PHF24: variants seen among roughly 807,000 people sequenced by gnomAD.
PHF24 encodes Galpha inhibitory interacting protein.
PHF24 carries 25 observed loss-of-function variants against 42.6 expected under a neutral mutation model. The ratio of observed to expected loss-of-function variants is 0.59; its 90% CI spans 0.43 to 0.82. The LOEUF is 0.82. Among genes scored for constraint, PHF24 ranks in the 40% least tolerant of loss-of-function variants. PHF24 has a pLI of 0.00. For synonymous variants in PHF24, 185 were observed against 204.8 expected, an observed-to-expected ratio of 0.90 and a Z score of 0.83; for missense variants, 470 against 538.1, an observed-to-expected ratio of 0.87 and a Z score of 1.25.
the PHF24 span, among the ~76,000 whole-genome samples, chr9:34,883,501 C>T: frequency 6.6e-6 from 1 of 152,164 alleles, no homozygotes; most frequent in Non-Finnish European, 1.5e-5. Context: ...CTACAATGAA[C>T]TCAAACAAAT....
the PHF24 span, chr9:34,724,354 T>A: frequency 1.5e-5 from 24 of 1,551,092 alleles, no homozygotes; most frequent in African/African-American, 2.2e-4. Flanking sequence ...CCAGCTGTTC[T>A]TTAAGGTGAA....
chr9:34,961,881 C>CT (rs1339955592), intron 1 of PHF24, among the ~76,000 whole-genome samples: 1 of 152,212 alleles, frequency 6.6e-6, no homozygotes, highest in Non-Finnish European at 1.5e-5. Context: ...AATGCTTCAT[C>CT]TTACTGGGGT....
chr9:34,820,648 A>C, the PHF24 span, among the ~76,000 whole-genome samples: 4 of 152,096 alleles, frequency 2.6e-5, no homozygotes, highest in African/African-American at 7.2e-5. Flanking sequence ...ATGGGTATTT[A>C]GGTTGATTCC....
the PHF24 span, among the ~76,000 whole-genome samples, chr9:34,930,975 G>A: frequency 6.6e-6 from 1 of 152,120 alleles, no homozygotes; most frequent in Non-Finnish European, 1.5e-5. Context: ...TTGGATCATG[G>A]GGTGAAGTTC....
At chr9:34,700,809 G>A in the PHF24 span, among the ~76,000 whole-genome samples, 2 of 152,148 alleles carry the variant, frequency 1.3e-5, no homozygotes. Context: ...AAGAGAAACA[G>A]GAATCAGGGA....
chr9:34,904,034 A>G, the PHF24 span, among the ~76,000 whole-genome samples: 1 of 152,160 alleles, frequency 6.6e-6, no homozygotes, highest in Non-Finnish European at 1.5e-5. Flanking sequence ...TTAATCTTGT[A>G]TCTGGAAACT....
chr9:34,869,973 C>A, the PHF24 span, among the ~76,000 whole-genome samples: 2 of 152,168 alleles, frequency 1.3e-5, no homozygotes, highest in Non-Finnish European at 2.9e-5. Context: ...TTTACAATTT[C>A]TTTTTCTTAG....
At chr9:34,761,695 T>A in the PHF24 span, among the ~76,000 whole-genome samples, 75 of 152,302 alleles carry the variant, frequency 4.9e-4, no homozygotes, top group African/African-American at 1.7e-3. Flanking sequence ...TTGATTTTTT[T>A]AAATTTTATT....
At chr9:34,936,042 G>A in the PHF24 span, among the ~76,000 whole-genome samples, 5 of 140,622 alleles carry the variant, frequency 3.6e-5, no homozygotes, top group South Asian at 4.4e-4. Flanking sequence ...TCCCGCTCCC[G>A]CTCCCACCCC....
the PHF24 span, among the ~76,000 whole-genome samples, chr9:34,908,848 T>C: frequency 6.7e-6 from 1 of 150,252 alleles, no homozygotes; most frequent in African/African-American, 2.4e-5. Context: ...TTTTCTTTTT[T>C]TTTTTTTTTC....
chr9:34,682,277 G>T, the PHF24 span, among the ~76,000 whole-genome samples: 1 of 151,176 alleles, frequency 6.6e-6, no homozygotes, highest in Non-Finnish European at 1.5e-5. Context: ...ACTGAGCCTG[G>T]CCCATCTTGG....
chr9:34,689,973 C>T, the PHF24 span: 3 of 1,614,102 alleles, frequency 1.9e-6, no homozygotes. This position sits in a 1 kb window ranked among gnomAD's most constrained non-coding sequence, Gnocchi z 4.1. Context: ...GCGTTCTACC[C>T]AGGGCTGGTC....
chr9:34,701,721 C>G, the PHF24 span, among the ~76,000 whole-genome samples: 4 of 152,034 alleles, frequency 2.6e-5, no homozygotes, highest in Non-Finnish European at 4.4e-5. This position sits in a 1 kb window ranked among gnomAD's most constrained non-coding sequence, Gnocchi z 5.8. Context: ...GACAGTTACC[C>G]CGGGCCAGGA....
the PHF24 span, among the ~76,000 whole-genome samples, chr9:34,813,281 G>A: frequency 1.3e-5 from 2 of 152,112 alleles, no homozygotes; most frequent in African/African-American, 4.8e-5. Context: ...CAAATTCCAT[G>A]CTACCCACAT....
chr9:34,961,795 C>G (rs564412484), intron 1 of PHF24, among the ~76,000 whole-genome samples: 20 of 152,364 alleles, frequency 1.3e-4, no homozygotes, highest in Middle Eastern at 3.4e-3. Context: ...ATAGTAATGA[C>G]AGAACCTTTT....
the PHF24 span, among the ~76,000 whole-genome samples, chr9:34,870,170 A>G: frequency 6.6e-6 from 1 of 152,056 alleles, no homozygotes. Context: ...ATCCTGCACT[A>G]CAGTCCTAAA....
chr9:34,725,013 C>T, the PHF24 span: 1 of 1,552,034 alleles, frequency 6.4e-7, no homozygotes, highest in Non-Finnish European at 8.7e-7. Flanking sequence ...TGATCAAGGG[C>T]CGTTGGCATC....
the PHF24 span, among the ~76,000 whole-genome samples, chr9:34,781,091 T>C: frequency 6.6e-6 from 1 of 152,196 alleles, no homozygotes; most frequent in South Asian, 2.1e-4. Context: ...TTTCTGAAAG[T>C]TAAACATTGA....
the PHF24 span, among the ~76,000 whole-genome samples, chr9:34,737,071 C>T: frequency 6.6e-6 from 1 of 152,134 alleles, no homozygotes; most frequent in Admixed American, 6.5e-5. Context: ...CACCATTGAA[C>T]TATTTTAAAG....
Sources: allele counts gnomAD v4.1 joint callset (sites outside exome capture counted in the v4.1 genomes callset), GRCh38; gene constraint gnomAD v4.1.1; non-coding constraint Gnocchi (gnomAD v3.1); transcripts MANE v1.5; gene names NCBI Gene and HGNC (gene_info 2026-07-23, HGNC 2026-07-21).